CNTLN: variants seen among roughly 807,000 people sequenced by gnomAD.
CNTLN encodes centlein.
Under a neutral mutation model 180.0 loss-of-function variants are expected in CNTLN, and 212 were observed. The observed-to-expected ratio is 1.18, with a 90% CI of 1.05 to 1.32. The LOEUF is 1.32. Ranked by LOEUF, CNTLN falls within the 40% of genes most tolerant of loss-of-function variation. The probability of loss-of-function intolerance (pLI) is 0.00; values close to 1 mark genes in which losing one functional copy is unlikely to be tolerated. For missense variants in CNTLN, 2,095 were observed against 1,610.9 expected (o/e 1.30, Z -5.14); for synonymous variants, 722 against 563.1 (o/e 1.28, Z -3.99).
chr9:17,205,456 C>T (rs951932820), intron 2 of CNTLN, among the ~76,000 whole-genome samples: 1 of 152,248 alleles, frequency 6.6e-6, no homozygotes, highest in African/African-American at 2.4e-5. Context: ...GAAGCAACAG[C>T]CTGGGCACCA....
At chr9:17,413,751 CAT>C (rs756906773) in intron 16 of CNTLN, among the ~76,000 whole-genome samples, 2 of 152,138 alleles carry the variant, frequency 1.3e-5, no homozygotes, top group Non-Finnish European at 2.9e-5. Context: ...CTGGATCTCT[CAT>C]ATATTGTTCA....
At chr9:17,515,970 C>T in the CNTLN span, among the ~76,000 whole-genome samples, 1 of 152,088 alleles carries the variant, frequency 6.6e-6, no homozygotes, top group African/African-American at 2.4e-5. Context: ...CTCTATCACA[C>T]TTCATCTTCT....
intron 18 of CNTLN, among the ~76,000 whole-genome samples, chr9:17,440,472 C>A (rs1830042681): frequency 6.6e-6 from 1 of 150,636 alleles, no homozygotes; most frequent in Non-Finnish European, 1.5e-5. Flanking sequence ...GCCTGTAATC[C>A]CAGCTATTCG....
intron 23 of CNTLN, among the ~76,000 whole-genome samples, chr9:17,471,168 A>AT (rs1283903430): frequency 6.6e-6 from 1 of 151,958 alleles, no homozygotes; most frequent in African/African-American, 2.4e-5. Flanking sequence ...TTAAAAATTC[A>AT]TTTTTTATCC....
chr9:17,207,215 T>C (rs2131931151), intron 2 of CNTLN, among the ~76,000 whole-genome samples: 1 of 152,362 alleles, frequency 6.6e-6, no homozygotes, highest in Non-Finnish European at 1.5e-5. Context: ...CTTATTATAT[T>C]AATTCGCTTT....
At chr9:17,177,185 A>G (rs1466724158) in intron 2 of CNTLN, among the ~76,000 whole-genome samples, 2 of 152,122 alleles carry the variant, frequency 1.3e-5, no homozygotes, top group Non-Finnish European at 2.9e-5. Context: ...TGAGGCAGGC[A>G]GATCACGAGG....
At chr9:17,288,539 C>A (rs945036617) in intron 6 of CNTLN, among the ~76,000 whole-genome samples, 2 of 135,986 alleles carry the variant, frequency 1.5e-5, no homozygotes, top group Non-Finnish European at 3.1e-5. Context: ...TGGTGCAGAG[C>A]TGAGTTCAAT....
chr9:17,232,023 C>A (rs1824846547), intron 3 of CNTLN, among the ~76,000 whole-genome samples: 1 of 151,880 alleles, frequency 6.6e-6, no homozygotes, highest in Non-Finnish European at 1.5e-5. Flanking sequence ...TAACTCAAGC[C>A]AGGCTATTAA....
chr9:17,179,567 G>A (rs1820990961), intron 2 of CNTLN, among the ~76,000 whole-genome samples: 1 of 152,162 alleles, frequency 6.6e-6, no homozygotes, highest in Non-Finnish European at 1.5e-5. Flanking sequence ...AATTTGACAA[G>A]GTTTGTTTTG....
the CNTLN span, among the ~76,000 whole-genome samples, chr9:17,526,760 T>G: frequency 6.6e-6 from 1 of 152,104 alleles, no homozygotes; most frequent in African/African-American, 2.4e-5. Flanking sequence ...TTAATTTAGC[T>G]CTAGAGTTTC....
chr9:17,427,286 T>C (rs571461607), intron 18 of CNTLN, among the ~76,000 whole-genome samples: 12 of 108,662 alleles, frequency 1.1e-4, no homozygotes, highest in African/African-American at 3.9e-4. Context: ...GCTGCTTCTT[T>C]TTTTTTTTTT....
In CNTLN at chr9:17,495,102, A is replaced by G; in HGVS notation, c.4120-7449A>G. 1.5e-5 allele frequency: 5 copies of G among 344,532 alleles called. 1 individual carries two copies. Among genetic ancestry groups the G allele is most frequent in the South Asian group, 8.8e-5 (4 of 45,582 alleles). 21.3% of individuals were successfully genotyped at this position (344,532 alleles called of 1,614,324 possible). A position where few individuals can be genotyped will look rare whatever the true frequency, so the allele number is the denominator to read the frequency against. On this transcript the variant is annotated intron_variant, in intron 25 of 25. Transcript: ENST00000380647. ...GCCATGTTGCCCAGGCTGGTCTCCA[A>G]CTCCTGAGCTCAGGTGATCTGCCTG...
intron 14 of CNTLN, 127 bp downstream of exon 14, chr9:17,388,380 C>G (rs1825849546): frequency 1.6e-6 from 1 of 612,886 alleles, no homozygotes; most frequent in African/African-American, 1.8e-5. Flanking sequence ...ATTCATAATT[C>G]AAAATCATTG....
At chr9:17,428,678 T>A (rs1829236722) in intron 18 of CNTLN, among the ~76,000 whole-genome samples, 2 of 152,130 alleles carry the variant, frequency 1.3e-5, no homozygotes, top group African/African-American at 2.4e-5. Flanking sequence ...AGAGTTTAGT[T>A]AACTTGTGCA....
the CNTLN span, among the ~76,000 whole-genome samples, chr9:17,509,087 C>G: frequency 6.6e-6 from 1 of 152,162 alleles, no homozygotes; most frequent in African/African-American, 2.4e-5. Context: ...CTGTCTTTGC[C>G]CAGTGGGCTT....
chr9:17,376,589 C>T (rs1185069559), intron 13 of CNTLN, among the ~76,000 whole-genome samples: 1 of 151,934 alleles, frequency 6.6e-6, no homozygotes, highest in Non-Finnish European at 1.5e-5. Context: ...GTAGCTGGGA[C>T]TGCAGGCGCC....
chr9:17,316,244 T>A (rs1276120249), intron 8 of CNTLN, among the ~76,000 whole-genome samples: 1 of 152,078 alleles, frequency 6.6e-6, no homozygotes. Flanking sequence ...CTGATATTAA[T>A]ATAGCCACCA....
intron 2 of CNTLN, among the ~76,000 whole-genome samples, chr9:17,207,350 G>T (rs1822995729): frequency 1.3e-5 from 2 of 152,136 alleles, no homozygotes; most frequent in South Asian, 4.1e-4. Context: ...AACACCCCTT[G>T]CCAGGGGAGT....
At chr9:17,220,955 C>G (rs924929322) in intron 2 of CNTLN, among the ~76,000 whole-genome samples, 1 of 152,002 alleles carries the variant, frequency 6.6e-6, no homozygotes, top group African/African-American at 2.4e-5. Flanking sequence ...CTTTGTAACC[C>G]TATAAATTAA....
Sources: gnomAD v4.1 joint callset for allele counts (sites outside exome capture counted in the v4.1 genomes callset) on GRCh38, gnomAD v4.1.1 for gene constraint, MANE v1.5 for transcripts, NCBI Gene and HGNC (gene_info 2026-07-23, HGNC 2026-07-21) for gene names.